The following ABTB2 variants were observed in gnomAD, a reference collection of about 807,000 sequenced individuals.
The protein encoded by ABTB2 is ankyrin repeat and BTB domain containing 2.
Under a neutral mutation model 104.1 loss-of-function variants are expected in ABTB2, and 56 were observed. The ratio of observed to expected loss-of-function variants is 0.54; its 90% CI spans 0.43 to 0.67. The LOEUF is 0.67. Among genes scored for constraint, ABTB2 ranks in the 30% least tolerant of loss-of-function variants. ABTB2 has a pLI of 0.00. For synonymous variants in ABTB2, 606 were observed against 608.2 expected, an observed-to-expected ratio of 1.00 and a Z score of 0.05; for missense variants, 1,279 against 1,407.7, an observed-to-expected ratio of 0.91 and a Z score of 1.46.
Position 34,159,400 on chromosome 11 carries a change from G to A in ABTB2, c.2607-14C>T. The A allele has an allele frequency of 6.3e-7, 1 of 1,596,940 alleles. No individual in the cohort carries two copies. Among genetic ancestry groups the A allele is most frequent in the Non-Finnish European group, 8.6e-7 (1 of 1,164,444 alleles). On this transcript the variant is annotated splice_polypyrimidine_tract_variant and intron_variant, in intron 13 of 16. Coordinates refer to ENST00000435224, the MANE Select transcript of ABTB2 (RefSeq NM_145804.3). ...AGTGTCTTGAACCTGGAGCAAAGGAGACAAAGCAAGGTGGGTTTTGAACCT... is the reference window on the plus strand; with the variant it reads ...AGTGTCTTGAACCTGGAGCAAAGGAAACAAAGCAAGGTGGGTTTTGAACCT...
chr11:34,198,755 G>A (rs1255950339), intron 2 of ABTB2, among the ~76,000 whole-genome samples: 1 of 152,160 alleles, frequency 6.6e-6, no homozygotes, highest in Admixed American at 6.5e-5. Flanking sequence ...GACAGGAAAC[G>A]GCTCATCATT....
At chr11:34,314,437 T>C (rs1854899825) in intron 1 of ABTB2, among the ~76,000 whole-genome samples, 1 of 152,178 alleles carries the variant, frequency 6.6e-6, no homozygotes, top group Admixed American at 6.5e-5. Flanking sequence ...CCATGTTCAA[T>C]AGTATTTGTT....
intron 1 of ABTB2, among the ~76,000 whole-genome samples, chr11:34,281,964 T>C (rs1357926559): frequency 6.6e-6 from 1 of 152,230 alleles, no homozygotes; most frequent in Admixed American, 6.5e-5. Context: ...ATTACATAAG[T>C]CCATTATATA....
At position 34,342,932 on chromosome 11, in the gene ABTB2, T is replaced by C. The variant is rs200486115; in HGVS notation, c.883+13769A>G. 3.9e-3 allele frequency among the ~76,000 whole-genome samples: 193 copies of C among 49,876 alleles called. 2 individuals are homozygous for C. The highest frequency in any genetic ancestry group is 0.024 in the African/African-American group (182 of 7,610). The allele number at this position is 49,876 out of a possible 152,430, so 32.7% of individuals were successfully genotyped here. On this transcript the variant is annotated intron_variant, in intron 1 of 16. Coordinates refer to ENST00000435224, the MANE Select transcript of ABTB2 (RefSeq NM_145804.3). ...GTCACTCCCATTTCATTTATTTATT[T>C]ATTTATTTATTTATTTATTTATTTA... is the stretch of plus-strand genomic sequence containing the variant.
intron 1 of ABTB2, among the ~76,000 whole-genome samples, chr11:34,297,406 A>C (rs1158121199): frequency 6.6e-6 from 1 of 152,220 alleles, no homozygotes; most frequent in Non-Finnish European, 1.5e-5. Context: ...CCCCTACTGG[A>C]GAATTTCCAA....
chr11:34,268,253 T>C (rs923336282), intron 1 of ABTB2, among the ~76,000 whole-genome samples: 1 of 152,236 alleles, frequency 6.6e-6, no homozygotes, highest in African/African-American at 2.4e-5. Flanking sequence ...CTGATGTTTT[T>C]CTTGTACATA....
intron 1 of ABTB2, among the ~76,000 whole-genome samples, chr11:34,347,852 C>T (rs769347279): frequency 3.3e-5 from 5 of 152,034 alleles, no homozygotes; most frequent in Admixed American, 2.6e-4. Context: ...AACTGGAAGT[C>T]GAATATCGTA....
At chr11:34,265,129 A>G (rs1289026112) in intron 1 of ABTB2, among the ~76,000 whole-genome samples, 1 of 152,242 alleles carries the variant, frequency 6.6e-6, no homozygotes, top group Non-Finnish European at 1.5e-5. Flanking sequence ...ATGCAGGGAT[A>G]CAAGGAAAAA....
chr11:34,195,439 T>C lies in ABTB2; in HGVS notation c.1244+1886A>G, dbSNP rs144099712. 2.2e-4 allele frequency among the ~76,000 whole-genome samples: 33 copies of C among 152,376 alleles called. No individual in the cohort carries two copies. In the East Asian group the frequency reaches 6.4e-3, roughly 29 times the overall value. On this transcript the variant is annotated intron_variant, in intron 3 of 16. Transcript: ENST00000435224. Reference sequence around the variant, plus strand: ...AGGGCTCCACCTGCAGCCTTCTTGCTGTGTCAGGCCCAGGGTGGCCCTCCT... The same window carrying C: ...AGGGCTCCACCTGCAGCCTTCTTGCCGTGTCAGGCCCAGGGTGGCCCTCCT...
intron 1 of ABTB2, among the ~76,000 whole-genome samples, chr11:34,307,848 G>A (rs772059709): frequency 5.3e-5 from 8 of 152,102 alleles, no homozygotes; most frequent in Non-Finnish European, 1.0e-4. Context: ...ACAGGCACGC[G>A]CCACCATGCC....
chr11:34,239,979 T>G lies in ABTB2; in HGVS notation c.884-35289A>C, dbSNP rs147308262. On this transcript the variant is annotated intron_variant, in intron 1 of 16. Transcript: ENST00000435224. ...AGAGCCAAGAGGCTGGGGACTGAAT[T>G]ATCACTTAATAGTCAGGTGGAGTTT... Among the ~76,000 whole-genome samples the G allele has an allele frequency of 3.4e-3, 521 of 152,298 alleles. 3 individuals carry two copies. Among genetic ancestry groups the G allele is most frequent in the African/African-American group, 0.012 (496 of 41,536 alleles).
chr11:34,159,513 C>A, intron 13 of ABTB2, 127 bp from the exon 14 acceptor site: 2 of 674,784 alleles, frequency 3.0e-6, no homozygotes, highest in South Asian at 1.8e-5. Context: ...CTGCTGTGCT[C>A]CTAAAATAAT....
At chr11:34,314,678 C>A (rs563781739) in intron 1 of ABTB2, among the ~76,000 whole-genome samples, 1 of 152,184 alleles carries the variant, frequency 6.6e-6, no homozygotes, top group African/African-American at 2.4e-5. Context: ...GCTCAACCTC[C>A]CCCTGGTATC....
chr11:34,351,737 T>G (rs1336112727), intron 1 of ABTB2, among the ~76,000 whole-genome samples: 2 of 152,078 alleles, frequency 1.3e-5, no homozygotes, highest in South Asian at 4.1e-4. Context: ...GCCTATGAAG[T>G]GCACAGTTTT....
At chr11:34,208,427 T>C (rs143869882) in intron 1 of ABTB2, among the ~76,000 whole-genome samples, 1 of 152,288 alleles carries the variant, frequency 6.6e-6, no homozygotes, top group East Asian at 1.9e-4. Flanking sequence ...GGGAACCGCA[T>C]GCACCACCCT....
chr11:34,258,988 T>C (rs1034216655), intron 1 of ABTB2, among the ~76,000 whole-genome samples: 10 of 152,208 alleles, frequency 6.6e-5, no homozygotes, highest in African/African-American at 2.4e-4. Context: ...TACCTGGTTG[T>C]TTTTCACCTG....
chr11:34,222,820 G>A (rs147205869), intron 1 of ABTB2, among the ~76,000 whole-genome samples: 1 of 152,258 alleles, frequency 6.6e-6, no homozygotes, highest in African/African-American at 2.4e-5. Context: ...TAGGGCTCTC[G>A]AGTGCTTTGC....
Position 34,357,923 on chromosome 11 carries a change from C to T in ABTB2, c.-340G>A. 1 of 250,822 alleles carries T rather than the reference C, an allele frequency of 4.0e-6. No homozygotes were observed. The highest frequency in any genetic ancestry group is 1.1e-3 in the Middle Eastern group (1 of 888). 15.5% of individuals were successfully genotyped at this position (250,822 alleles called of 1,614,324 possible). A position where few individuals can be genotyped will look rare whatever the true frequency, so the allele number is the denominator to read the frequency against. ...GAATCCCGGGAGAACAGGGCGGCGGCGGCAGAAGGAGGAGGCGGCGGCGCA... is the reference window on the plus strand; with the variant it reads ...GAATCCCGGGAGAACAGGGCGGCGGTGGCAGAAGGAGGAGGCGGCGGCGCA... On this transcript the variant is annotated 5_prime_UTR_variant, in exon 1 of 17. Transcript: ENST00000435224.
intron 5 of ABTB2, among the ~76,000 whole-genome samples, chr11:34,169,295 C>G (rs1852839294): frequency 6.6e-6 from 1 of 152,290 alleles, no homozygotes; most frequent in South Asian, 2.1e-4. Context: ...CAAATAAAAC[C>G]AGGCCGGCTC....
Sources: allele counts gnomAD v4.1 joint callset (sites outside exome capture counted in the v4.1 genomes callset), GRCh38; gene constraint gnomAD v4.1.1; transcripts MANE v1.5; gene names NCBI Gene and HGNC (gene_info 2026-07-23, HGNC 2026-07-21).